The following DIAPH2 variants were observed in gnomAD, a reference collection of about 807,000 sequenced individuals.
DIAPH2 encodes protein diaphanous homolog 2.
In DIAPH2, 35 loss-of-function variants were observed where a neutral mutation model predicts 92.7. The ratio of observed to expected loss-of-function variants is 0.38; its 90% CI spans 0.29 to 0.50. The LOEUF (loss-of-function observed/expected upper bound fraction) is 0.50. Among genes scored for constraint, DIAPH2 ranks in the 20% least tolerant of loss-of-function variants. DIAPH2 has a pLI of 0.94. For synonymous variants in DIAPH2, 301 were observed against 280.4 expected (o/e 1.07, Z -0.73); for missense variants, 701 against 819.5 (o/e 0.86, Z 1.77).
chrX:97,343,290 G>A (rs1165968810), intron 23 of DIAPH2, among the ~76,000 whole-genome samples: 1 of 111,702 alleles, frequency 9.0e-6, no homozygotes, highest in Non-Finnish European at 1.9e-5. Context: ...GATATTTAAA[G>A]CTATGTGAAT....
At chrX:97,280,713 GA>G (rs2068490120) in intron 23 of DIAPH2, among the ~76,000 whole-genome samples, 1 of 110,906 alleles carries the variant, frequency 9.0e-6, no homozygotes, top group Non-Finnish European at 1.9e-5. Context: ...AATTAACAGA[GA>G]AAGTCTGCAT....
At chrX:96,887,967 GTA>G (rs1333667020) in intron 5 of DIAPH2, among the ~76,000 whole-genome samples, 3 of 110,071 alleles carry the variant, frequency 2.7e-5, no homozygotes, top group East Asian at 2.8e-4. Flanking sequence ...GTGCGTGTGT[GTA>G]TGTGTGTGTG....
chrX:97,054,251 G>T (rs1269631748), intron 17 of DIAPH2, among the ~76,000 whole-genome samples: 1 of 111,951 alleles, frequency 8.9e-6, no homozygotes, highest in Non-Finnish European at 1.9e-5. Flanking sequence ...TATAATTTAA[G>T]AATTTTTACA....
In DIAPH2 at chrX:97,595,859, C is replaced by T. The variant is rs188656188; in HGVS notation, c.3242-3394C>T. Among the ~76,000 whole-genome samples the T allele has an allele frequency of 2.4e-3, 267 of 111,297 alleles. 1 individual carries two copies. Among genetic ancestry groups the T allele is most frequent in the Middle Eastern group, 0.019 (4 of 214 alleles). ...GTTGGTCAGGCTGGTCTCAAACTCC[C>T]GACCTCAGGTGATCTGCCCACCTCG... On this transcript the variant is annotated intron_variant, in intron 26 of 26. Transcript: ENST00000324765.
intron 23 of DIAPH2, among the ~76,000 whole-genome samples, chrX:97,317,159 T>C (rs1017776140): frequency 2.7e-5 from 3 of 112,223 alleles, no homozygotes; most frequent in East Asian, 5.6e-4. Context: ...CAGGTGAACA[T>C]TGAAAATGTT....
At position 96,795,094 on chromosome X, in the gene DIAPH2, C is replaced by T. The variant is rs1460092233; in HGVS notation, c.447+36836C>T. On this transcript the variant is annotated intron_variant, in intron 4 of 26. Transcript: ENST00000324765. ...AAGATCCTTTTTCCAAGAAAAGTCA[C>T]ATTCACAGGTTCCATGAGTTTGAAT... 2.7e-5 allele frequency among the ~76,000 whole-genome samples: 3 copies of T among 111,920 alleles called. No individual in the cohort carries two copies. The East Asian group carries it at 8.4e-4, about 31-fold the overall frequency.
At chrX:97,320,121 AT>A (rs1459647928) in intron 23 of DIAPH2, among the ~76,000 whole-genome samples, 1 of 106,638 alleles carries the variant, frequency 9.4e-6, no homozygotes, top group Non-Finnish European at 1.9e-5. Flanking sequence ...ATATATATAT[AT>A]AATTGATAAT....
At chrX:96,728,837 CT>C (rs748437865) in intron 1 of DIAPH2, among the ~76,000 whole-genome samples, 2 of 112,146 alleles carry the variant, frequency 1.8e-5, no homozygotes, top group African/African-American at 3.2e-5. Context: ...GTCTACACAA[CT>C]TTTTTTTCCC....
intron 17 of DIAPH2, among the ~76,000 whole-genome samples, chrX:97,064,729 C>A (rs1261006867): frequency 9.0e-6 from 1 of 110,840 alleles, no homozygotes; most frequent in Non-Finnish European, 1.9e-5. Context: ...TGATTAGGGC[C>A]ACAAGGAAGA....
chrX:97,525,113 C>T (rs1220868335), intron 26 of DIAPH2, among the ~76,000 whole-genome samples: 1 of 112,168 alleles, frequency 8.9e-6, no homozygotes, highest in Non-Finnish European at 1.9e-5. Flanking sequence ...CTATAAATCT[C>T]CACATCTCAC....
At chrX:96,862,167 T>C (rs1170726903) in intron 4 of DIAPH2, among the ~76,000 whole-genome samples, 4 of 111,740 alleles carry the variant, frequency 3.6e-5, no homozygotes, top group Non-Finnish European at 7.5e-5. Flanking sequence ...ACCATATCCG[T>C]AGAGTTAGCA....
At chrX:97,510,458 T>C (rs1377238998) in intron 26 of DIAPH2, among the ~76,000 whole-genome samples, 1 of 111,323 alleles carries the variant, frequency 9.0e-6, no homozygotes, top group Non-Finnish European at 1.9e-5. Context: ...ATTCTGTAGG[T>C]TGCCTGTTCA....
At chrX:97,529,537 T>C (rs766095857) in intron 26 of DIAPH2, among the ~76,000 whole-genome samples, 1 of 112,272 alleles carries the variant, frequency 8.9e-6, no homozygotes, top group East Asian at 2.8e-4. Flanking sequence ...TGCCCTCATA[T>C]GTTTTACAGA....
intron 17 of DIAPH2, among the ~76,000 whole-genome samples, chrX:96,988,973 C>T (rs1602693335): frequency 9.1e-6 from 1 of 109,824 alleles, no homozygotes; most frequent in Non-Finnish European, 1.9e-5. Context: ...TTTGTGTGTC[C>T]GAGGGGGACT....
chrX:97,357,889 G>C (rs899956126), intron 24 of DIAPH2, among the ~76,000 whole-genome samples: 2 of 112,021 alleles, frequency 1.8e-5, no homozygotes, highest in African/African-American at 6.5e-5. Flanking sequence ...CAAAGACATA[G>C]AGATATGTGA....
At position 96,902,288 on chromosome X, in the gene DIAPH2, C is replaced by A. The variant is rs1000887118; in HGVS notation, c.588-10040C>A. Among the ~76,000 whole-genome samples, 64 of 111,717 alleles carry A rather than the reference C, an allele frequency of 5.7e-4. 1 individual carries two copies. Among genetic ancestry groups the A allele is most frequent in the Non-Finnish European group, 1.1e-4 (6 of 53,094 alleles). On this transcript the variant is annotated intron_variant, in intron 5 of 26. Transcript: ENST00000324765. ...GTTGGGAAGAATGTTCTGTAGATTT[C>A]TGTTAAGTACATTTGTTCTAGGATA...
At chrX:97,022,649 A>C (rs995272041) in intron 17 of DIAPH2, among the ~76,000 whole-genome samples, 1 of 112,478 alleles carries the variant, frequency 8.9e-6, no homozygotes, top group Non-Finnish European at 1.9e-5. Flanking sequence ...AAAATTGTAT[A>C]CATCAAAAAA....
intron 17 of DIAPH2, among the ~76,000 whole-genome samples, chrX:97,015,433 T>C (rs1235679141): frequency 8.9e-6 from 1 of 111,899 alleles, no homozygotes; most frequent in Non-Finnish European, 1.9e-5. Context: ...ATTGTTTCCA[T>C]TGTCTTTCCT....
intron 10 of DIAPH2, among the ~76,000 whole-genome samples, chrX:96,933,597 A>AT (rs758184248): frequency 9.9e-5 from 10 of 100,819 alleles, no homozygotes; most frequent in Non-Finnish European, 1.6e-4. Flanking sequence ...ATATGTTTAT[A>AT]TTTTTTTTAT....
Sources: gnomAD v4.1 joint callset for allele counts (sites outside exome capture counted in the v4.1 genomes callset) on GRCh38, gnomAD v4.1.1 for gene constraint, MANE v1.5 for transcripts, NCBI Gene and HGNC (gene_info 2026-07-23, HGNC 2026-07-21) for gene names.